Variants in XPO5 observed in about 807,000 individuals in gnomAD.
XPO5 encodes the protein exportin 5, also known as exportin-5.
In XPO5, 46 loss-of-function variants were observed where a neutral mutation model predicts 160.6. The observed-to-expected ratio is 0.29, with a 90% CI of 0.23 to 0.37. XPO5 has a LOEUF of 0.37. XPO5 is among the 10% of genes least tolerant of loss of function. The pLI, the probability that XPO5 is intolerant of heterozygous loss-of-function variation, is 1.00. For synonymous variants in XPO5, 537 were observed against 519.3 expected, an observed-to-expected ratio of 1.03 and a Z score of -0.46; for missense variants, 1,090 against 1,463.9, an observed-to-expected ratio of 0.74 and a Z score of 4.17.
In XPO5 at chr6:43,525,935, G is replaced by A; in HGVS notation, c.2984-14C>T. On this transcript the variant is annotated splice_polypyrimidine_tract_variant and intron_variant, in intron 27 of 31. Transcript: ENST00000265351. Reference sequence around the variant, plus strand: ...TCATTTCTTCATCTGTTATCAGAGAGTAGAATGTTAAGCTCCATCCTTTCA... The same window carrying A: ...TCATTTCTTCATCTGTTATCAGAGAATAGAATGTTAAGCTCCATCCTTTCA... 6.2e-7 allele frequency: 1 copy of A among 1,613,574 alleles called. No individual in the cohort carries two copies. The highest frequency in any genetic ancestry group is 8.5e-7 in the Non-Finnish European group (1 of 1,179,578).
intron 18 of XPO5, among the ~76,000 whole-genome samples, 183 bp from the exon 19 acceptor site, chr6:43,547,890 T>A (rs1795038515): frequency 6.6e-6 from 1 of 152,214 alleles, no homozygotes; most frequent in African/African-American, 2.4e-5. Context: ...CACTCCCAAA[T>A]ATTATTAGTA....
intron 8 of XPO5, among the ~76,000 whole-genome samples, chr6:43,563,914 G>A (rs192644933): frequency 6.6e-6 from 1 of 152,106 alleles, no homozygotes; most frequent in East Asian, 1.9e-4. Flanking sequence ...GTACCCTTAG[G>A]CTAAACTAAA....
At chr6:43,538,291 A>T (rs2127717562) in intron 20 of XPO5, among the ~76,000 whole-genome samples, 1 of 151,660 alleles carries the variant, frequency 6.6e-6, no homozygotes, top group African/African-American at 2.4e-5. Context: ...CTGAGACTAC[A>T]GGTGCGCACC....
intron 20 of XPO5, among the ~76,000 whole-genome samples, chr6:43,540,834 C>T (rs1794654130): frequency 1.3e-5 from 2 of 151,878 alleles, no homozygotes; most frequent in Non-Finnish European, 2.9e-5. Context: ...TTCAAAGAAC[C>T]AGCTTTATTT....
rs376123032 is a variant in XPO5 at position 43,575,968 on chromosome 6, C to T, written c.-104G>A. 5.2e-6 allele frequency: 6 copies of T among 1,164,236 alleles called. No individual in the cohort carries two copies. In the East Asian group the frequency reaches 1.4e-4, roughly 26 times the overall value. 72.1% of individuals were successfully genotyped at this position (1,164,236 alleles called of 1,614,324 possible). ...CCCGTTGGTACCGGGCCGCGGCGGGCGGCGGGGGTGGGAAGCTGGAGGAGG... is the reference window on the plus strand; with the variant it reads ...CCCGTTGGTACCGGGCCGCGGCGGGTGGCGGGGGTGGGAAGCTGGAGGAGG... On this transcript the variant is annotated 5_prime_UTR_variant, in exon 1 of 32. Coordinates refer to ENST00000265351, the MANE Select transcript of XPO5 (RefSeq NM_020750.3).
At chr6:43,535,607 G>A (rs535366583) in intron 20 of XPO5, among the ~76,000 whole-genome samples, 6 of 148,584 alleles carry the variant, frequency 4.0e-5, no homozygotes, top group Non-Finnish European at 7.4e-5. Context: ...TCAGGAGATC[G>A]AGACCATCCT....
chr6:43,530,626 GT>G lies in XPO5; in HGVS notation c.2677+61del, dbSNP rs57104310. 93,653 of 1,586,086 alleles carry G rather than the reference GT, an allele frequency of 0.059. 10,646 individuals carry two copies. The highest frequency in any genetic ancestry group is 0.49 in the African/African-American group (36,289 of 73,734). ...CTCTTCCCTCTGGTTGCTGTGACCT[GT>G]TTTGTTTCTCTCTCTAATTTTCTGA... On this transcript the variant is annotated intron_variant, in intron 23 of 31. Coordinates refer to ENST00000265351, the MANE Select transcript of XPO5 (RefSeq NM_020750.3).
chr6:43,524,717 G>T (rs760554876), intron 30 of XPO5, 82 bp from the exon 31 acceptor site: 3 of 1,587,416 alleles, frequency 1.9e-6, no homozygotes, highest in Non-Finnish European at 2.6e-6. Flanking sequence ...CCATTTCTCA[G>T]AGATTGCACC....
In XPO5 at chr6:43,541,781, C is replaced by T. The variant is rs566946905; in HGVS notation, c.2342+4790G>A. Among the ~76,000 whole-genome samples, 24 of 152,268 alleles carry T rather than the reference C, an allele frequency of 1.6e-4. No homozygotes were observed. In the East Asian group the frequency reaches 4.1e-3, roughly 26 times the overall value. ...TAAGTACTGTAGTAATCCAATACTT[C>T]TTTTTTTCTTTTTTGAGATAGAGTC... On this transcript the variant is annotated intron_variant, in intron 20 of 31. Coordinates refer to ENST00000265351, the MANE Select transcript of XPO5 (RefSeq NM_020750.3).
chr6:43,531,718 T>C, intron 21 of XPO5, 143 bp from the exon 22 acceptor site: 2 of 702,498 alleles, frequency 2.8e-6, no homozygotes, highest in Non-Finnish European at 5.0e-6. Context: ...GGCTACGTGA[T>C]TTGCTGCACT....
intron 15 of XPO5, among the ~76,000 whole-genome samples, chr6:43,550,376 C>A (rs1795170658): frequency 6.6e-6 from 1 of 152,206 alleles, no homozygotes; most frequent in Non-Finnish European, 1.5e-5. Flanking sequence ...TGGGCATTCT[C>A]CAACTCAAAT....
At chr6:43,549,452 C>A (rs755330104) in intron 17 of XPO5, 37 bp downstream of exon 17, 2 of 1,557,986 alleles carry the variant, frequency 1.3e-6, no homozygotes, top group East Asian at 2.3e-5. Flanking sequence ...CAAATGTAAC[C>A]AAACTTGGCT....
At chr6:43,532,091 G>T (rs910494876) in intron 21 of XPO5, among the ~76,000 whole-genome samples, 1 of 152,128 alleles carries the variant, frequency 6.6e-6, no homozygotes, top group Non-Finnish European at 1.5e-5. Flanking sequence ...ATTTCTGGTT[G>T]GCCACTTATT....
chr6:43,523,875 T>G lies in XPO5; in HGVS notation c.3608A>C (p.Glu1203Ala). ...NDGGGLATIF[E>A]P Reference sequence around the variant, plus strand: ...GATGCCCAAAAGCTTGATTCAGGGTTCAAAGATGGTGGCCAGGCCACCCCC... The same window carrying G: ...GATGCCCAAAAGCTTGATTCAGGGTGCAAAGATGGTGGCCAGGCCACCCCC... The change falls in exon 32 of 32, where the codon GAA becomes GCA. Residue 1203 changes from glutamate to alanine, a missense_variant. Physicochemically the swap from Glu to Ala is moderately radical, Grantham distance 107. This residue lies in a region of XPO5 where 810 missense variants were observed against 1,139.0 expected (regional missense o/e 0.71). Transcript: ENST00000265351. 6.2e-7 allele frequency: 1 copy of G among 1,614,006 alleles called. No homozygotes were observed. Among genetic ancestry groups the G allele is most frequent in the East Asian group, 2.2e-5 (1 of 44,876 alleles).
chr6:43,571,553 A>C (rs1218527862), intron 3 of XPO5, among the ~76,000 whole-genome samples: 2 of 152,204 alleles, frequency 1.3e-5, no homozygotes, highest in Non-Finnish European at 2.9e-5. Flanking sequence ...TAATCTCAGC[A>C]TTTTGGAAAG....
intron 27 of XPO5, chr6:43,526,450 G>A: frequency 1.8e-6 from 1 of 555,488 alleles, no homozygotes; most frequent in Non-Finnish European, 3.2e-6. Context: ...TAAAGCAAGA[G>A]AAAAGATCAC....
Position 43,548,358 on chromosome 6 carries a change from T to G in XPO5, c.1963A>C (p.Ile655Leu), listed in dbSNP as rs1254767586. Residue 655 changes from isoleucine (I) to leucine (L), a missense_variant, in exon 18 of 32, where the codon ATT becomes CTT. Physicochemically the swap from Ile to Leu is conservative, Grantham distance 5. Transcript: ENST00000265351. The stretch of plus-strand genomic sequence containing the variant: ...TCGTAGTTCTTAAATTGGTTGCTAA[T>G]GAGAACCAGGGCTTCCATGAGGGCA... Reference protein sequence around the residue: ...KCALMEALVLISNQFKNYERQ... With the variant: ...KCALMEALVLLSNQFKNYERQ... 4 of 1,613,766 alleles carry G rather than the reference T, an allele frequency of 2.5e-6. No individual in the cohort carries two copies. The highest frequency in any genetic ancestry group is 3.4e-6 in the Non-Finnish European group (4 of 1,179,750).
intron 5 of XPO5, among the ~76,000 whole-genome samples, chr6:43,569,682 G>A (rs1165333079): frequency 6.6e-6 from 1 of 150,556 alleles, no homozygotes; most frequent in East Asian, 2.0e-4. Flanking sequence ...GCAGTGAGCC[G>A]AGATTGTGCC....
chr6:43,572,532 T>C lies in XPO5; in HGVS notation c.274A>G (p.Asn92Asp). Residue 92 changes from asparagine (N) to aspartate (D), a missense_variant, in exon 3 of 32, where the codon AAC (asparagine) becomes GAC (aspartate). Coordinates refer to ENST00000265351, the MANE Select transcript of XPO5 (RefSeq NM_020750.3). Reference sequence around the variant, plus strand: ...TTTGCAATCAGCTCCATGACACTGTTCTTCAGATACACCTTCTCCAATCGA... The same window carrying C: ...TTTGCAATCAGCTCCATGACACTGTCCTTCAGATACACCTTCTCCAATCGA... ...MSRLEKVYLK[N>D]SVMELIANGT... The C allele has an allele frequency of 6.2e-7, 1 of 1,613,968 alleles. No homozygotes were observed.
Sources: allele counts gnomAD v4.1 joint callset (sites outside exome capture counted in the v4.1 genomes callset), GRCh38; gene constraint gnomAD v4.1.1; regional missense constraint gnomAD v4.1.1; transcripts MANE v1.5; gene names NCBI Gene and HGNC (gene_info 2026-07-23, HGNC 2026-07-21).